The following CELF2 variants were observed in gnomAD, a reference collection of about 807,000 sequenced individuals.
The protein encoded by CELF2 is CUG triplet repeat RNA-binding protein 2.
A neutral mutation model predicts 62.6 loss-of-function variants in CELF2; 8 were observed. The ratio of observed to expected loss-of-function variants is 0.13; its 90% CI spans 0.07 to 0.23. CELF2 has a LOEUF of 0.23. Among genes scored for constraint, CELF2 ranks in the 10% least tolerant of loss-of-function variants. The pLI, the probability that CELF2 is intolerant of heterozygous loss-of-function variation, is 1.00. For synonymous variants in CELF2, 258 were observed against 250.0 expected (o/e 1.03, Z -0.30); for missense variants, 333 against 671.0 (o/e 0.50, Z 5.56).
the CELF2 span, among the ~76,000 whole-genome samples, chr10:10,505,267 T>C: frequency 1.3e-5 from 2 of 152,214 alleles, no homozygotes; most frequent in East Asian, 3.9e-4. Context: ...GAGGTCCATG[T>C]TAACCACTTA....
the CELF2 span, among the ~76,000 whole-genome samples, chr10:10,637,732 T>C: frequency 1.3e-5 from 2 of 152,176 alleles, no homozygotes; most frequent in Admixed American, 1.3e-4. Context: ...CGCAGATGAT[T>C]TGAACATGTT....
At chr10:11,120,981 G>A (rs1242645750) in intron 1 of CELF2, among the ~76,000 whole-genome samples, 1 of 152,166 alleles carries the variant, frequency 6.6e-6, no homozygotes, top group Non-Finnish European at 1.5e-5. Context: ...CCAAGAGCTT[G>A]CAAGGAGGTG....
the CELF2 span, among the ~76,000 whole-genome samples, chr10:10,497,616 G>T: frequency 5.9e-5 from 9 of 152,164 alleles, no homozygotes; most frequent in Non-Finnish European, 1.3e-4. Flanking sequence ...GTGGCCAGGG[G>T]AGGAGGAGCC....
chr10:10,904,439 C>T (rs1224783145), intron 1 of CELF2, among the ~76,000 whole-genome samples: 1 of 151,980 alleles, frequency 6.6e-6, no homozygotes, highest in African/African-American at 2.4e-5. Context: ...AATATGTTGC[C>T]CGGGCTGGTC....
At chr10:10,497,165 A>G in the CELF2 span, among the ~76,000 whole-genome samples, 109 of 151,546 alleles carry the variant, frequency 7.2e-4, no homozygotes, top group African/African-American at 2.5e-3. Flanking sequence ...AGCTTGGGCG[A>G]CAGAGCAACT....
Position 11,046,317 on chromosome 10 carries a change from G to A in CELF2, c.74+28154G>A, listed in dbSNP as rs1252626920. Among the ~76,000 whole-genome samples, 1 of 152,092 alleles carries A rather than the reference G, an allele frequency of 6.6e-6. No homozygotes were observed. The highest frequency in any genetic ancestry group is 2.4e-5 in the African/African-American group (1 of 41,396). ...ATTGTGATGCCCGTGTCAATGTGCCGGTCAGAAAATCACAGATTGCCAACT... is the reference window on the plus strand; with the variant it reads ...ATTGTGATGCCCGTGTCAATGTGCCAGTCAGAAAATCACAGATTGCCAACT... On this transcript the variant is annotated intron_variant, in intron 1 of 12. Transcript: ENST00000633077. This position sits in a 1 kb window ranked among gnomAD's most constrained non-coding sequence, Gnocchi z 4.6.
rs1365008423 is a variant in CELF2, at chr10:11,012,331, G to C, written c.53+6891G>C. 6.6e-6 allele frequency among the ~76,000 whole-genome samples: 1 copy of C among 152,200 alleles called. No individual in the cohort carries two copies. The highest frequency in any genetic ancestry group is 6.5e-5 in the Admixed American group (1 of 15,282). ...CATAGTGAGTCAAGTAGATTCATTT[G>C]CTTTATTTTAACAGAAACCAAAGCT... On this transcript the variant is annotated intron_variant, in intron 1 of 12. Transcript: ENST00000416382. The surrounding 1 kb of genome is among the most constrained non-coding windows in gnomAD (Gnocchi z 5.5).
intron 1 of CELF2, among the ~76,000 whole-genome samples, chr10:11,123,545 C>A (rs1212004074): frequency 6.6e-6 from 1 of 152,154 alleles, no homozygotes; most frequent in Non-Finnish European, 1.5e-5. Context: ...CCACCATGCC[C>A]GGCTGAGGCA....
chr10:10,980,633 T>A (rs2051978760), intron 2 of CELF2, among the ~76,000 whole-genome samples: 1 of 152,230 alleles, frequency 6.6e-6, no homozygotes, highest in Non-Finnish European at 1.5e-5. Context: ...CTAACTGGGA[T>A]GCATTTCTGA....
At chr10:10,540,142 C>T in the CELF2 span, among the ~76,000 whole-genome samples, 1 of 152,208 alleles carries the variant, frequency 6.6e-6, no homozygotes, top group African/African-American at 2.4e-5. Flanking sequence ...CTGGGGACAG[C>T]CTTCCTCAGA....
chr10:10,773,061 C>T, the CELF2 span, among the ~76,000 whole-genome samples: 1 of 152,200 alleles, frequency 6.6e-6, no homozygotes, highest in African/African-American at 2.4e-5. Context: ...AACTGCCTGA[C>T]ATGCTGATTT....
chr10:10,627,848 T>C, the CELF2 span, among the ~76,000 whole-genome samples: 5 of 152,166 alleles, frequency 3.3e-5, no homozygotes, highest in African/African-American at 4.8e-5. Flanking sequence ...AACATGCACA[T>C]TTGGTTTGTG....
At chr10:11,219,583 A>G (rs1313095685) in intron 3 of CELF2, among the ~76,000 whole-genome samples, 1 of 152,230 alleles carries the variant, frequency 6.6e-6, no homozygotes, top group African/African-American at 2.4e-5. Context: ...TAGCCTTTCC[A>G]GTGCACACAC....
intron 2 of CELF2, chr10:10,925,114 C>T (rs1385859811): frequency 1.3e-5 from 2 of 152,226 alleles, no homozygotes; most frequent in Admixed American, 6.5e-5. Flanking sequence ...CACCTTTCTA[C>T]ATGGAGGGCT....
upstream of CELF2, among the ~76,000 whole-genome samples, chr10:11,016,059 T>G (rs1253754794): frequency 6.6e-6 from 1 of 152,250 alleles, no homozygotes; most frequent in Non-Finnish European, 1.5e-5. The surrounding 1 kb of genome is among the most constrained non-coding windows in gnomAD (Gnocchi z 5.2). Flanking sequence ...TTTCTTAAAA[T>G]AATTTTTATA....
chr10:11,123,198 A>G (rs1462710382), intron 1 of CELF2, among the ~76,000 whole-genome samples: 2 of 152,134 alleles, frequency 1.3e-5, no homozygotes, highest in African/African-American at 2.4e-5. Flanking sequence ...CCTTGCTTAC[A>G]AGCACACTGT....
rs1334459939 is a variant in CELF2, at chr10:10,928,728, A to G, written c.89+8729A>G. ...TTTATGTTCCTTCTGTTGGTTCCCAAAGACCCCAGTTTTAACCCCTATCCT... is the reference window on the plus strand; with the variant it reads ...TTTATGTTCCTTCTGTTGGTTCCCAGAGACCCCAGTTTTAACCCCTATCCT... On this transcript the variant is annotated intron_variant, in intron 2 of 13. Transcript: ENST00000636488. The surrounding 1 kb of genome is among the most constrained non-coding windows in gnomAD (Gnocchi z 4.8). Among the ~76,000 whole-genome samples the G allele has an allele frequency of 6.6e-6, 1 of 152,104 alleles. No individual in the cohort carries two copies. The highest frequency in any genetic ancestry group is 1.5e-5 in the Non-Finnish European group (1 of 68,012).
chr10:10,836,020 A>G (rs2058259086), intron 1 of CELF2, among the ~76,000 whole-genome samples: 1 of 152,212 alleles, frequency 6.6e-6, no homozygotes, highest in South Asian at 2.1e-4. Flanking sequence ...TGGACATGTC[A>G]GCGTTGAGAT....
intron 1 of CELF2, among the ~76,000 whole-genome samples, chr10:11,155,756 G>C (rs2064239910): frequency 6.6e-6 from 1 of 152,108 alleles, no homozygotes; most frequent in Admixed American, 6.5e-5. Flanking sequence ...GTCAACTTTT[G>C]ATTTTCCAGA....
Sources: allele counts gnomAD v4.1 joint callset (sites outside exome capture counted in the v4.1 genomes callset), GRCh38; gene constraint gnomAD v4.1.1; non-coding constraint Gnocchi (gnomAD v3.1); transcripts MANE v1.5; gene names NCBI Gene and HGNC (gene_info 2026-07-23, HGNC 2026-07-21).